The following SIRPG variants were observed in gnomAD, a reference collection of about 807,000 sequenced individuals.
The protein encoded by SIRPG is signal-regulatory protein gamma.
A neutral mutation model predicts 35.7 loss-of-function variants in SIRPG; 38 were observed. The observed-to-expected ratio is 1.06, with a 90% confidence interval of 0.82 to 1.40. The LOEUF (loss-of-function observed/expected upper bound fraction) is 1.40, where lower values mean the gene tolerates loss of function less well. SIRPG is among the 40% of genes most tolerant of loss of function. SIRPG has a pLI of 0.00. For missense variants in SIRPG, 519 were observed against 483.0 expected (o/e 1.07, Z -0.70); for synonymous variants, 215 against 190.4 (o/e 1.13, Z -1.06).
the SIRPG span, among the ~76,000 whole-genome samples, chr20:1,669,195 G>A: frequency 1.3e-5 from 2 of 152,022 alleles, no homozygotes; most frequent in South Asian, 2.1e-4. Flanking sequence ...CTGTCTTCAG[G>A]GCCTCAAATT....
chr20:1,671,547 C>A, the SIRPG span, among the ~76,000 whole-genome samples: 6 of 152,148 alleles, frequency 3.9e-5, no homozygotes, highest in Non-Finnish European at 5.9e-5. Flanking sequence ...CAGGGAGACC[C>A]TAACCCAGCG....
the SIRPG span, among the ~76,000 whole-genome samples, chr20:1,685,760 TGAA>T: frequency 3.9e-5 from 6 of 152,284 alleles, no homozygotes; most frequent in African/African-American, 1.2e-4. Flanking sequence ...TGCAGCATCC[TGAA>T]GAAGGACAGT....
chr20:1,677,248 G>A, the SIRPG span, among the ~76,000 whole-genome samples: 52 of 152,266 alleles, frequency 3.4e-4, 1 homozygote, highest in Middle Eastern at 3.4e-3. Context: ...AGCCCTCTTT[G>A]GAAGTGTCAT....
chr20:1,670,505 A>G, the SIRPG span, among the ~76,000 whole-genome samples: 8 of 152,216 alleles, frequency 5.3e-5, no homozygotes, highest in Non-Finnish European at 1.2e-4. Context: ...CCTGGCATGC[A>G]GTTGAAATGT....
chr20:1,672,482 G>A, the SIRPG span, among the ~76,000 whole-genome samples: 2 of 152,206 alleles, frequency 1.3e-5, no homozygotes, highest in African/African-American at 4.8e-5. Flanking sequence ...AGTAACAACT[G>A]AAGTCAAGGT....
chr20:1,671,508 A>T, the SIRPG span, among the ~76,000 whole-genome samples: 6 of 152,096 alleles, frequency 3.9e-5, no homozygotes, highest in Non-Finnish European at 8.8e-5. Context: ...GAGTTCACCA[A>T]TCTCAGAGAG....
intron 1 of SIRPG, 58 bp from the exon 2 acceptor site, chr20:1,649,466 A>C: frequency 2.1e-6 from 3 of 1,462,232 alleles, no homozygotes; most frequent in South Asian, 2.6e-5. Flanking sequence ...GTATTTCCTC[A>C]TGTTTATCAA....
chr20:1,661,235 C>T (rs540720904), upstream of SIRPG, among the ~76,000 whole-genome samples: 17 of 152,148 alleles, frequency 1.1e-4, no homozygotes, highest in Admixed American at 3.3e-4. Context: ...AGGTGGAGTA[C>T]GACGATGATG....
intron 1 of SIRPG, among the ~76,000 whole-genome samples, chr20:1,650,775 A>G (rs892468914): frequency 1.8e-4 from 28 of 152,244 alleles, no homozygotes; most frequent in African/African-American, 6.8e-4. Flanking sequence ...TGCAAGTTTA[A>G]CTCAAGGATA....
At chr20:1,644,041 C>T (rs2091877615) in intron 2 of SIRPG, among the ~76,000 whole-genome samples, 1 of 152,198 alleles carries the variant, frequency 6.6e-6, no homozygotes, top group Admixed American at 6.5e-5. Context: ...GGGTCTCTCT[C>T]AGTTGGGTGG....
intron 2 of SIRPG, among the ~76,000 whole-genome samples, chr20:1,641,831 G>A (rs1367358542): frequency 3.9e-5 from 6 of 152,082 alleles, no homozygotes; most frequent in Non-Finnish European, 8.8e-5. Flanking sequence ...CTTAATTTCT[G>A]TCTTAATTTC....
chr20:1,640,426 T>C (rs2091843164), intron 2 of SIRPG, among the ~76,000 whole-genome samples: 1 of 152,170 alleles, frequency 6.6e-6, no homozygotes, highest in Admixed American at 6.5e-5. Flanking sequence ...TGTTGGTGTA[T>C]AGGAATGCTT....
At chr20:1,661,642 A>G (rs1450937031), upstream of SIRPG, among the ~76,000 whole-genome samples, 1 of 152,238 alleles carries the variant, frequency 6.6e-6, no homozygotes, top group Non-Finnish European at 1.5e-5. Flanking sequence ...TCTGCAGGAA[A>G]GGAGGGCATC....
intron 5 of SIRPG, among the ~76,000 whole-genome samples, chr20:1,629,987 A>G (rs1452745170): frequency 6.6e-6 from 1 of 152,164 alleles, no homozygotes; most frequent in Admixed American, 6.5e-5. Flanking sequence ...GCCTCCATGA[A>G]ACTCCTAGGG....
At chr20:1,629,921 G>C (rs186795337) in intron 5 of SIRPG, among the ~76,000 whole-genome samples, 69 of 152,216 alleles carry the variant, frequency 4.5e-4, no homozygotes, top group African/African-American at 1.6e-3. Flanking sequence ...ACCCCATGGA[G>C]TCCCAGCATT....
chr20:1,635,983 C>G (rs1184452914), intron 3 of SIRPG, among the ~76,000 whole-genome samples: 1 of 152,164 alleles, frequency 6.6e-6, no homozygotes, highest in Non-Finnish European at 1.5e-5. Context: ...CTCTCTAGCG[C>G]AGAGCTTGGC....
At chr20:1,684,025 G>A in the SIRPG span, among the ~76,000 whole-genome samples, 4 of 151,914 alleles carry the variant, frequency 2.6e-5, no homozygotes, top group Non-Finnish European at 5.9e-5. Context: ...AGGGGAGGGG[G>A]TGTAGTTGGG....
chr20:1,651,378 T>C (rs189212489), intron 1 of SIRPG: 4 of 152,474 alleles, frequency 2.6e-5, no homozygotes, highest in Non-Finnish European at 5.9e-5. Flanking sequence ...CATCATGCTT[T>C]TTCTTGGTGT....
chr20:1,675,341 G>A, the SIRPG span, among the ~76,000 whole-genome samples: 1 of 152,220 alleles, frequency 6.6e-6, no homozygotes, highest in African/African-American at 2.4e-5. Flanking sequence ...CATGTGTGCT[G>A]AGACCTGTCC....
Sources: allele counts gnomAD v4.1 joint callset (sites outside exome capture counted in the v4.1 genomes callset), GRCh38; gene constraint gnomAD v4.1.1; transcripts MANE v1.5; gene names NCBI Gene and HGNC (gene_info 2026-07-23, HGNC 2026-07-21).